ENPP1: variants seen among roughly 807,000 people sequenced by gnomAD.
ENPP1 encodes the protein ectonucleotide pyrophosphatase/phosphodiesterase family member 1.
A neutral mutation model predicts 122.8 loss-of-function variants in ENPP1; 73 were observed. The ratio of observed to expected loss-of-function variants is 0.59; its 90% CI spans 0.49 to 0.72. The LOEUF is 0.72. Ranked by LOEUF, ENPP1 falls within the 30% of genes least tolerant of loss-of-function variation. The pLI is 0.00. For missense variants in ENPP1, 978 were observed against 1,128.1 expected (o/e 0.87, Z 1.91); for synonymous variants, 367 against 391.6 (o/e 0.94, Z 0.74).
chr6:131,827,547 C>A, intron 1 of ENPP1: 1 of 606,792 alleles, frequency 1.6e-6, no homozygotes. Flanking sequence ...GCCTACATGT[C>A]AACTGAACAG....
chr6:131,861,601 G>A lies in ENPP1; in HGVS notation c.922G>A (p.Val308Ile). ...CCTTCATTTTCTGCTCCAGATTTGG[G>A]TCACAGCTAAGTATCAAGGCCTCAA... ...PEWYKGEPIW[V>I]TAKYQGLKSG... Residue 308 changes from valine to isoleucine, a missense_variant, in exon 9 of 25, where the codon GTC (valine) becomes ATC (isoleucine). By Grantham distance (29) the Val-to-Ile change is conservative (BLOSUM62 3). Transcript: ENST00000647893. 6.2e-7 allele frequency: 1 copy of A among 1,607,790 alleles called. No homozygotes were observed. Among genetic ancestry groups the A allele is most frequent in the Non-Finnish European group, 8.5e-7 (1 of 1,174,286 alleles).
chr6:131,847,783 C>A lies in ENPP1; in HGVS notation c.248C>A (p.Ser83Ter). The A allele has an allele frequency of 1.2e-6, 2 of 1,606,268 alleles. No homozygotes were observed. Among genetic ancestry groups the A allele is most frequent in the South Asian group, 1.1e-5 (1 of 90,726 alleles). ...NTYKVLSLVL[S>*]VCVLTTILGC... The stretch of plus-strand genomic sequence containing the variant: ...TCTCTTTTCTCCCTACAGGTATTGT[C>A]AGTATGTGTGTTAACAACAATACTT... The change falls in exon 2 of 25, where the codon TCA becomes TAA. Residue 83 changes from serine to a stop codon, truncating the protein, a stop_gained. Coordinates refer to ENST00000647893, the MANE Select transcript of ENPP1 (RefSeq NM_006208.3). LOFTEE classifies it high-confidence loss of function.
At chr6:131,832,502 T>C (rs1274169629) in intron 1 of ENPP1, among the ~76,000 whole-genome samples, 2 of 152,218 alleles carry the variant, frequency 1.3e-5, no homozygotes, top group African/African-American at 4.8e-5. Context: ...GCAAGCATGC[T>C]TCCTCAGGTG....
At position 131,874,234 on chromosome 6, in the gene ENPP1, C is replaced by CTTT. The variant is rs770409870; in HGVS notation, c.1566-33_1566-31dup. ...TTATCAATTATGTTTTATGAAAGGA[C>CTTT]TTTACATTTTTAATTCATATATGTC... On this transcript the variant is annotated intron_variant, in intron 15 of 24. Coordinates refer to ENST00000647893, the MANE Select transcript of ENPP1 (RefSeq NM_006208.3). 7 of 1,178,456 alleles carry CTTT rather than the reference C, an allele frequency of 5.9e-6. No homozygotes were observed. In the South Asian group the frequency reaches 8.6e-5, roughly 14 times the overall value. The allele number at this position is 1,178,456 out of a possible 1,614,324, so 73.0% of individuals were successfully genotyped here.
Position 131,869,387 on chromosome 6 carries a change from A to G in ENPP1, c.1303A>G (p.Ile435Val), listed in dbSNP as rs536528391. 1.1e-5 allele frequency: 18 copies of G among 1,613,376 alleles called. No homozygotes were observed. In the East Asian group the frequency reaches 3.6e-4, roughly 32 times the overall value. The change falls in exon 13 of 25, where the codon ATA becomes GTA. Residue 435 changes from isoleucine to valine, a missense_variant. This residue lies in a region of ENPP1 where 644 missense variants were observed against 781.5 expected (regional missense o/e 0.82). Coordinates refer to ENST00000647893, the MANE Select transcript of ENPP1 (RefSeq NM_006208.3). Reference protein sequence around the residue: ...GMEQGSCKKYIYLNKYLGDVK... With the variant: ...GMEQGSCKKYVYLNKYLGDVK... Reference sequence around the variant, plus strand: ...GGAACAAGGCAGTTGTAAGAAATACATATATCTGAATAAATATTTGGGGGA... The same window carrying G: ...GGAACAAGGCAGTTGTAAGAAATACGTATATCTGAATAAATATTTGGGGGA...
chr6:131,809,889 G>T (rs1272183918), intron 1 of ENPP1, among the ~76,000 whole-genome samples: 1 of 152,228 alleles, frequency 6.6e-6, no homozygotes, highest in East Asian at 1.9e-4. Flanking sequence ...ACAGCATTCT[G>T]TGTGATGATG....
At chr6:131,828,651 A>G (rs1781575239) in intron 1 of ENPP1, among the ~76,000 whole-genome samples, 1 of 152,152 alleles carries the variant, frequency 6.6e-6, no homozygotes, top group African/African-American at 2.4e-5. Flanking sequence ...TATTGAAAAC[A>G]CGGGGGTTTC....
rs759769513 is a variant in ENPP1, at chr6:131,858,698, G to T, written c.746G>T (p.Arg249Ile). ...TGTGGAACATATACTAAAAACATGA[G>T]ACCGGTATATCCAACAAAAACTTTC... ...KKCGTYTKNMRPVYPTKTFPN... is the reference protein window; with the variant it reads ...KKCGTYTKNMIPVYPTKTFPN... Residue 249 changes from arginine (R) to isoleucine (I), a missense_variant, in exon 7 of 25, where the codon AGA becomes ATA. By Grantham distance (97) the Arg-to-Ile change is moderately conservative (BLOSUM62 -3). This residue lies in a region of ENPP1 where 330 missense variants were observed against 328.5 expected (regional missense o/e 1.00). Coordinates refer to ENST00000647893, the MANE Select transcript of ENPP1 (RefSeq NM_006208.3). 2 of 1,611,234 alleles carry T rather than the reference G, an allele frequency of 1.2e-6. No individual in the cohort carries two copies. The highest frequency in any genetic ancestry group is 1.7e-6 in the Non-Finnish European group (2 of 1,177,592).
chr6:131,860,630 T>G, intron 8 of ENPP1, 124 bp downstream of exon 8: 1 of 714,852 alleles, frequency 1.4e-6, no homozygotes, highest in Non-Finnish European at 2.4e-6. Context: ...TGGCCATTCT[T>G]TTGTAAATGG....
rs1782236818 is a variant in ENPP1, at chr6:131,876,964, G to A, written c.1724-28G>A. The A allele has an allele frequency of 3.1e-6, 5 of 1,610,096 alleles. No individual in the cohort carries two copies. The Admixed American group carries it at 8.3e-5, about 27-fold the overall frequency. ...TATTTGTTTGATTTGAAACATCTAA[G>A]TAACTCTACCATCTTGAAATTATGC... On this transcript the variant is annotated intron_variant, in intron 17 of 24. Transcript: ENST00000647893.
In ENPP1 at chr6:131,861,153, A is replaced by C. The variant is rs528221498; in HGVS notation, c.916-442A>C. Among the ~76,000 whole-genome samples the C allele has an allele frequency of 2.6e-5, 4 of 152,288 alleles. No individual in the cohort carries two copies. The East Asian group carries it at 7.7e-4, about 29-fold the overall frequency. ...ATTCTGTTTCTGCCTCTGTTTTATC[A>C]TATCTATAATGTAGATAATATTGTT... On this transcript the variant is annotated intron_variant, in intron 8 of 24. Transcript: ENST00000647893.
At chr6:131,815,030 G>A (rs1041301225) in intron 1 of ENPP1, among the ~76,000 whole-genome samples, 1 of 152,290 alleles carries the variant, frequency 6.6e-6, no homozygotes, top group East Asian at 1.9e-4. Flanking sequence ...TGATGGTCAG[G>A]AATCCACATA....
chr6:131,849,887 A>C (rs1449041299), intron 2 of ENPP1, 103 bp from the exon 3 acceptor site: 1 of 843,168 alleles, frequency 1.2e-6, no homozygotes, highest in East Asian at 2.4e-5. Flanking sequence ...TTTCTAAAGT[A>C]GTATTTGAAC....
At chr6:131,844,645 A>G (rs779309590) in intron 1 of ENPP1, among the ~76,000 whole-genome samples, 13 of 152,254 alleles carry the variant, frequency 8.5e-5, no homozygotes, top group Non-Finnish European at 1.3e-4. Context: ...GTCAAAGTAA[A>G]TGGAGTTATG....
At chr6:131,868,251 AGTCTTTAGG>A in intron 12 of ENPP1, 125 bp downstream of exon 12, 1 of 678,980 alleles carries the variant, frequency 1.5e-6, no homozygotes, top group African/African-American at 1.8e-5. Flanking sequence ...TCTTATGGAC[AGTCTTTAGG>A]AAAAAAATAC....
rs1781301260 is a variant in ENPP1, at chr6:131,808,089, C to T, written c.54C>T (p.Arg18=). The T allele has an allele frequency of 2.7e-6, 3 of 1,109,014 alleles. No homozygotes were observed. The South Asian group carries it at 1.3e-4, about 48-fold the overall frequency. 68.7% of individuals were successfully genotyped at this position (1,109,014 alleles called of 1,614,324 possible). ...GGGSRGGEGG[R]APREGPAGNG... ...GGAGCCGCGGCGGCGAGGGCGGGCGCGCTCCCCGGGAGGGCCCGGCGGGGA... is the reference window on the plus strand; with the variant it reads ...GGAGCCGCGGCGGCGAGGGCGGGCGTGCTCCCCGGGAGGGCCCGGCGGGGA... Residue 18 remains arginine (R), a synonymous_variant, in exon 1 of 25, where the codon CGC becomes CGT. Coordinates refer to ENST00000647893, the MANE Select transcript of ENPP1 (RefSeq NM_006208.3).
intron 12 of ENPP1, 59 bp from the exon 13 acceptor site, chr6:131,869,299 T>G (rs1782128414): frequency 1.3e-6 from 2 of 1,558,522 alleles, no homozygotes; most frequent in Non-Finnish European, 8.8e-7. Flanking sequence ...AGTTCTGCTC[T>G]GCATATTAAA....
intron 1 of ENPP1, among the ~76,000 whole-genome samples, chr6:131,821,959 G>C (rs913304345): frequency 6.6e-6 from 1 of 152,214 alleles, no homozygotes; most frequent in Non-Finnish European, 1.5e-5. Context: ...CCTATAAACT[G>C]CCACCCAGCA....
chr6:131,844,532 A>G (rs1466407972), intron 1 of ENPP1, among the ~76,000 whole-genome samples: 2 of 152,216 alleles, frequency 1.3e-5, no homozygotes, highest in African/African-American at 2.4e-5. Context: ...AGGTAAACCT[A>G]TATGACGTTT....
Sources: allele counts gnomAD v4.1 joint callset (sites outside exome capture counted in the v4.1 genomes callset), GRCh38; gene constraint gnomAD v4.1.1; regional missense constraint gnomAD v4.1.1; transcripts MANE v1.5; gene names NCBI Gene and HGNC (gene_info 2026-07-23, HGNC 2026-07-21).